Variants in SELP observed in about 807,000 individuals in gnomAD.
The protein encoded by SELP is P-selectin.
SELP carries 92 observed loss-of-function variants against 104.1 expected under a neutral mutation model. The observed-to-expected ratio is 0.88, with a 90% CI of 0.75 to 1.05. The LOEUF (loss-of-function observed/expected upper bound fraction) is 1.05. Ranked by LOEUF, SELP falls within the 50% of genes least tolerant of loss-of-function variation. The pLI, the probability that SELP is intolerant of heterozygous loss-of-function variation, is 0.00. For missense variants in SELP, 1,022 were observed against 1,017.3 expected (o/e 1.00, Z -0.06); for synonymous variants, 397 against 364.5 (o/e 1.09, Z -1.01).
chr1:169,616,957 ATGTTGG>A, intron 3 of SELP, 65 bp downstream of exon 3: 2 of 1,353,116 alleles, frequency 1.5e-6, no homozygotes, highest in South Asian at 2.0e-5. Context: ...CTCGGTGGTT[ATGTTGG>A]CCAACCAGAG....
At chr1:169,616,337 G>A (rs1370914109) in intron 3 of SELP, among the ~76,000 whole-genome samples, 2 of 152,066 alleles carry the variant, frequency 1.3e-5, no homozygotes, top group African/African-American at 4.8e-5. Context: ...TAGTTTACAT[G>A]GCTAAAAAAC....
Position 169,612,927 on chromosome 1 carries a change from A to G in SELP, c.775+2T>C. The stretch of plus-strand genomic sequence containing the variant: ...AGGATGAAAAGAATAAGGTCTACAT[A>G]CCTAAACACTGTGGAGGCTTATTTG... On this transcript the variant is annotated splice_donor_variant, in intron 5 of 16. Transcript: ENST00000263686. LOFTEE classifies it high-confidence loss of function. The G allele has an allele frequency of 6.2e-7, 1 of 1,603,280 alleles. No individual in the cohort carries two copies. The highest frequency in any genetic ancestry group is 8.5e-7 in the Non-Finnish European group (1 of 1,173,336).
intron 6 of SELP, among the ~76,000 whole-genome samples, 165 bp downstream of exon 6, chr1:169,612,051 TC>T (rs931242296): frequency 5.3e-5 from 8 of 152,262 alleles, no homozygotes; most frequent in African/African-American, 1.9e-4. Context: ...GGAATTTTTT[TC>T]CTTTCTCATC....
Position 169,591,462 on chromosome 1 carries a change from A to G in SELP, c.2408-6T>C, listed in dbSNP as rs1661351201. On this transcript the variant is annotated splice_region_variant and splice_polypyrimidine_tract_variant and intron_variant, in intron 14 of 16. Transcript: ENST00000263686. ...CAAGGGGCATTTCCCATCATCTAAA[A>G]TCAGCAAGAAGACAAGAATGAATGA... The G allele has an allele frequency of 6.4e-7, 1 of 1,573,570 alleles. No individual in the cohort carries two copies. The highest frequency in any genetic ancestry group is 1.4e-5 in the African/African-American group (1 of 72,328).
Position 169,605,483 on chromosome 1 carries a change from GT to G in SELP, c.1519+1465del, listed in dbSNP as rs370178541. ...GACCTAGCTTAACAATGGGGTGTGTGTGTGGGGGGTGTGTGTGTGTGTATGT... is the reference window on the plus strand; with the variant it reads ...GACCTAGCTTAACAATGGGGTGTGTGGTGGGGGGTGTGTGTGTGTGTATGT... On this transcript the variant is annotated intron_variant, in intron 9 of 16. Transcript: ENST00000263686. 1.1e-3 allele frequency among the ~76,000 whole-genome samples: 158 copies of G among 145,622 alleles called. 11 individuals are homozygous for G. The highest frequency in any genetic ancestry group is 5.6e-3 in the East Asian group (25 of 4,432).
intron 9 of SELP, among the ~76,000 whole-genome samples, chr1:169,605,173 G>T (rs1481905529): frequency 2.0e-5 from 3 of 152,194 alleles, no homozygotes; most frequent in South Asian, 2.1e-4. Flanking sequence ...TTCAATCACT[G>T]TGATCACTGT....
chr1:169,617,356 GT>G lies in SELP; in HGVS notation c.152del (p.Tyr51SerfsTer17). The G allele has an allele frequency of 6.2e-7, 1 of 1,614,080 alleles. No individual in the cohort carries two copies. Among genetic ancestry groups the G allele is most frequent in the Admixed American group, 1.7e-5 (1 of 60,004 alleles). On this transcript the variant is annotated frameshift_variant, in exon 3 of 17. Transcript: ENST00000263686. LOFTEE classifies it high-confidence loss of function. ...AWTYHYSTKA[Y>X]SWNISRKYCQ... ...AGTATTTACGGGAAATATTCCATGA[GT>G]ATGCTTTTGTGCTGTAATGATAAGT... is the stretch of plus-strand genomic sequence containing the variant.
At chr1:169,594,141 G>T (rs899602674) in intron 13 of SELP, among the ~76,000 whole-genome samples, 3 of 152,126 alleles carry the variant, frequency 2.0e-5, no homozygotes, top group Non-Finnish European at 4.4e-5. Context: ...AAATTAAATT[G>T]TAGACATAAG....
rs117644767 is a variant in SELP at position 169,603,821 on chromosome 1, G to A, written c.1520-610C>T. On this transcript the variant is annotated intron_variant, in intron 9 of 16. Transcript: ENST00000263686. ...GGGAAAAAGGAAAATCCTTGCATAT[G>A]TGCCACATTTTCTTAATCCAGTCCA... is the stretch of plus-strand genomic sequence containing the variant. Among the ~76,000 whole-genome samples, 337 of 152,194 alleles carry A rather than the reference G, an allele frequency of 2.2e-3. 14 individuals carry two copies. The East Asian group carries it at 0.062, about 28-fold the overall frequency.
In SELP at chr1:169,603,023, T is replaced by A. The variant is rs200256882; in HGVS notation, c.1705+3A>T. 115 of 1,609,122 alleles carry A rather than the reference T, an allele frequency of 7.1e-5. No homozygotes were observed. Among genetic ancestry groups the A allele is most frequent in the Non-Finnish European group, 7.6e-5 (89 of 1,176,208 alleles). Reference sequence around the variant, plus strand: ...CATAAGAAAGGACAGACCCACAGCCTACCTTCACACATTGGTGGGGAGTCT... The same window carrying A: ...CATAAGAAAGGACAGACCCACAGCCAACCTTCACACATTGGTGGGGAGTCT... On this transcript the variant is annotated splice_donor_region_variant and intron_variant, in intron 10 of 16. Transcript: ENST00000263686.
intron 15 of SELP, among the ~76,000 whole-genome samples, chr1:169,590,547 A>G (rs1429798140): frequency 6.7e-6 from 1 of 148,694 alleles, no homozygotes; most frequent in African/African-American, 2.5e-5. Context: ...CAAAGGGTGC[A>G]ATATGACCCC....
intron 10 of SELP, among the ~76,000 whole-genome samples, chr1:169,600,415 A>G (rs1447229657): frequency 6.6e-6 from 1 of 152,208 alleles, no homozygotes; most frequent in Admixed American, 6.5e-5. Flanking sequence ...GCCATTTTAT[A>G]TAAGTGACTT....
intron 1 of SELP, among the ~76,000 whole-genome samples, chr1:169,626,522 A>G (rs1432710392): frequency 6.6e-6 from 1 of 152,248 alleles, no homozygotes; most frequent in Admixed American, 6.5e-5. Context: ...CAGAGGTTGC[A>G]GTGAGCTGAG....
rs1662235832 is a variant in SELP, at chr1:169,606,996, T to C, written c.1472A>G (p.Gln491Arg). ...GLLLVGASVL[Q>R]CLATGNWNSV... Reference sequence around the variant, plus strand: ...ATTCCAGTTTCCAGTAGCCAAGCACTGTAGCACACTTGCTCCCACCAGGAG... The same window carrying C: ...ATTCCAGTTTCCAGTAGCCAAGCACCGTAGCACACTTGCTCCCACCAGGAG... The change falls in exon 9 of 17, where the codon CAG (glutamine) becomes CGG (arginine). Residue 491 changes from glutamine (Q) to arginine (R), a missense_variant. Physicochemically the swap from Gln to Arg is conservative, Grantham distance 43. Transcript: ENST00000263686. The C allele has an allele frequency of 1.2e-6, 2 of 1,613,768 alleles. No homozygotes were observed. Among genetic ancestry groups the C allele is most frequent in the African/African-American group, 1.3e-5 (1 of 74,886 alleles).
rs976440068 is a variant in SELP at position 169,600,320 on chromosome 1, A to G, written c.1705+2706T>C. Among the ~76,000 whole-genome samples, 20 of 152,266 alleles carry G rather than the reference A, an allele frequency of 1.3e-4. 1 individual carries two copies. The highest frequency in any genetic ancestry group is 1.0e-3 in the Admixed American group (16 of 15,286). On this transcript the variant is annotated intron_variant, in intron 10 of 16. Coordinates refer to ENST00000263686, the MANE Select transcript of SELP (RefSeq NM_003005.4). ...AATCCATGCAGATGAAGTGATGTGT[A>G]GGCTTTGCATTAGGTATTATACGTA...
chr1:169,615,746 T>A (rs1662776606), intron 3 of SELP, among the ~76,000 whole-genome samples: 1 of 152,192 alleles, frequency 6.6e-6, no homozygotes, highest in South Asian at 2.1e-4. Context: ...TCTGATTATA[T>A]GATAATGCAT....
Position 169,597,181 on chromosome 1 carries a change from A to G in SELP, c.1706-5T>C. 3 of 1,581,738 alleles carry G rather than the reference A, an allele frequency of 1.9e-6. No individual in the cohort carries two copies. The highest frequency in any genetic ancestry group is 2.6e-6 in the Non-Finnish European group (3 of 1,162,264). On this transcript the variant is annotated splice_region_variant and splice_polypyrimidine_tract_variant and intron_variant, in intron 10 of 16. Coordinates refer to ENST00000263686, the MANE Select transcript of SELP (RefSeq NM_003005.4). ...AGAGTTCTGGGCACTTGATGGCTAG[A>G]GTATCAAATTAAGAGTGTCACAATC...
intron 10 of SELP, among the ~76,000 whole-genome samples, 185 bp downstream of exon 10, chr1:169,602,841 G>C (rs889380198): frequency 1.3e-5 from 2 of 152,138 alleles, no homozygotes; most frequent in African/African-American, 4.8e-5. Flanking sequence ...TGAAACTGTG[G>C]AATATTTAAC....
At position 169,596,999 on chromosome 1, in the gene SELP, G is replaced by A. The variant is rs1557947707; in HGVS notation, c.1883C>T (p.Thr628Ile). The A allele has an allele frequency of 2.5e-6, 4 of 1,611,082 alleles. No homozygotes were observed. The highest frequency in any genetic ancestry group is 1.6e-4 in the Middle Eastern group (1 of 6,070). The change falls in exon 11 of 17, where the codon ACC (threonine) becomes ATC (isoleucine). Residue 628 changes from threonine to isoleucine, a missense_variant. Physicochemically the swap from Thr to Ile is moderately conservative, Grantham distance 89. Coordinates refer to ENST00000263686, the MANE Select transcript of SELP (RefSeq NM_003005.4). ...TSGRWSATPP[T>I]CKGIASLPTP... is the part of the protein sequence containing the mutation. ...CAAGTACATATTATTACCTTTGCAG[G>A]TTGGTGGAGTAGCTGACCATCTTCC... is the stretch of plus-strand genomic sequence containing the variant.
Sources: allele counts gnomAD v4.1 joint callset (sites outside exome capture counted in the v4.1 genomes callset), GRCh38; gene constraint gnomAD v4.1.1; transcripts MANE v1.5; gene names NCBI Gene and HGNC (gene_info 2026-07-23, HGNC 2026-07-21).